RAB38: variants seen among roughly 807,000 people sequenced by gnomAD.
RAB38 encodes ras-related protein Rab-38.
RAB38 carries 15 observed loss-of-function variants against 18.4 expected under a neutral mutation model. The observed-to-expected ratio is 0.82, with a 90% CI of 0.55 to 1.26. The LOEUF (loss-of-function observed/expected upper bound fraction) is 1.26, where lower values mean the gene tolerates loss of function less well. Among genes scored for constraint, RAB38 ranks in the 50% most tolerant of loss-of-function variants. The probability of loss-of-function intolerance (pLI) is 0.00; values close to 1 mark genes in which losing one functional copy is unlikely to be tolerated. For synonymous variants in RAB38, 101 were observed against 104.4 expected, an observed-to-expected ratio of 0.97 and a Z score of 0.20; for missense variants, 294 against 267.4, an observed-to-expected ratio of 1.10 and a Z score of -0.69.
At chr11:87,805,941 T>C in the RAB38 span, among the ~76,000 whole-genome samples, 1 of 152,020 alleles carries the variant, frequency 6.6e-6, no homozygotes, top group Non-Finnish European at 1.5e-5. Context: ...CCCACGTTAT[T>C]GGAGATAATT....
chr11:87,912,789 T>G, the RAB38 span, among the ~76,000 whole-genome samples: 1 of 133,794 alleles, frequency 7.5e-6, no homozygotes, highest in African/African-American at 2.6e-5. Flanking sequence ...TTTAGTTCCT[T>G]CAGGTAGAAG....
chr11:87,967,314 AT>A, the RAB38 span, among the ~76,000 whole-genome samples: 15 of 152,210 alleles, frequency 9.9e-5, no homozygotes, highest in African/African-American at 3.4e-4. Context: ...AGCTGAATAA[AT>A]TTGAGTGGAA....
At chr11:87,840,119 G>A in the RAB38 span, among the ~76,000 whole-genome samples, 1 of 152,126 alleles carries the variant, frequency 6.6e-6, no homozygotes, top group Admixed American at 6.5e-5. Context: ...TTGGTGGAAA[G>A]GAGAGAGAAA....
chr11:88,071,243 G>GACACACAC, the RAB38 span, among the ~76,000 whole-genome samples: 4,410 of 148,494 alleles, frequency 0.03, 83 homozygotes, highest in Middle Eastern at 0.077. Flanking sequence ...ACTGGGGGAG[G>GACACACAC]ACACACACAC....
the RAB38 span, among the ~76,000 whole-genome samples, chr11:87,947,715 T>TTC: frequency 6.6e-6 from 1 of 152,124 alleles, no homozygotes; most frequent in Non-Finnish European, 1.5e-5. Context: ...GTGGTATTAT[T>TTC]TGAGGGCTCT....
chr11:87,956,753 CTG>C, the RAB38 span, among the ~76,000 whole-genome samples: 1 of 152,016 alleles, frequency 6.6e-6, no homozygotes, highest in East Asian at 1.9e-4. Context: ...TCTACCTTAA[CTG>C]AAAGTAAGTC....
chr11:87,860,725 G>A, the RAB38 span, among the ~76,000 whole-genome samples: 511 of 151,992 alleles, frequency 3.4e-3, 2 homozygotes, highest in Non-Finnish European at 5.4e-3. Flanking sequence ...TGTTTTGATA[G>A]AGATAATAAA....
the RAB38 span, among the ~76,000 whole-genome samples, chr11:87,889,548 G>A: frequency 1.4e-3 from 220 of 151,930 alleles, 1 homozygote; most frequent in South Asian, 0.016. Flanking sequence ...TAATTTTTGA[G>A]TAGCTACTAT....
At chr11:87,916,819 T>C in the RAB38 span, among the ~76,000 whole-genome samples, 1 of 152,198 alleles carries the variant, frequency 6.6e-6, no homozygotes, top group Non-Finnish European at 1.5e-5. Context: ...CTTCTAACTT[T>C]TTTGAACTGA....
the RAB38 span, among the ~76,000 whole-genome samples, chr11:87,929,372 C>T: frequency 6.6e-6 from 1 of 151,520 alleles, no homozygotes; most frequent in Non-Finnish European, 1.5e-5. Flanking sequence ...TTTTCCAGCC[C>T]AATATTCCCA....
At chr11:87,825,082 TC>T in the RAB38 span, among the ~76,000 whole-genome samples, 1 of 152,134 alleles carries the variant, frequency 6.6e-6, no homozygotes, top group Non-Finnish European at 1.5e-5. Flanking sequence ...CACCAACAAC[TC>T]TGGAAGCTAG....
the RAB38 span, among the ~76,000 whole-genome samples, chr11:87,814,268 G>A: frequency 0.093 from 14,222 of 152,116 alleles, 734 homozygotes; most frequent in African/African-American, 0.13. Flanking sequence ...TGCTATGTCC[G>A]ACGAATGATT....
the RAB38 span, among the ~76,000 whole-genome samples, chr11:87,858,331 C>T: frequency 6.6e-6 from 1 of 152,062 alleles, no homozygotes; most frequent in East Asian, 1.9e-4. Flanking sequence ...CATTTCTTTT[C>T]TTTGGGGCTC....
At chr11:87,977,704 TATTA>T in the RAB38 span, among the ~76,000 whole-genome samples, 2 of 109,556 alleles carry the variant, frequency 1.8e-5, no homozygotes, top group Non-Finnish European at 3.4e-5. Context: ...TATAGGGATA[TATTA>T]TATATTTATA....
At chr11:88,072,507 G>T in the RAB38 span, among the ~76,000 whole-genome samples, 8 of 152,170 alleles carry the variant, frequency 5.3e-5, no homozygotes, top group African/African-American at 1.9e-4. Context: ...AAATGGCACA[G>T]AAAAAATAAA....
the RAB38 span, among the ~76,000 whole-genome samples, chr11:87,937,878 T>G: frequency 4.5e-3 from 682 of 151,162 alleles, 8 homozygotes; most frequent in African/African-American, 0.016. Context: ...GTGTTTTTTT[T>G]TTTTTTTTTT....
rs552854493 is a variant in RAB38 at position 88,126,271 on chromosome 11, T to C, written c.484-12131A>G. On this transcript the variant is annotated intron_variant, in intron 2 of 2. Coordinates refer to ENST00000243662, the MANE Select transcript of RAB38 (RefSeq NM_022337.3). ...ATGCACACGTATGTTTATTGCAGCA[T>C]TGTTCACAATAGCAAAGACTTGGAA... is the stretch of plus-strand genomic sequence containing the variant. Among the ~76,000 whole-genome samples the C allele has an allele frequency of 1.4e-3, 208 of 152,302 alleles. 4 individuals are homozygous for C. The highest frequency in any genetic ancestry group is 4.6e-3 in the African/African-American group (190 of 41,558).
chr11:88,042,037 G>C, the RAB38 span, among the ~76,000 whole-genome samples: 1 of 152,124 alleles, frequency 6.6e-6, no homozygotes, highest in Non-Finnish European at 1.5e-5. Context: ...TTGGGGTTTA[G>C]GGAGGCATAT....
chr11:88,065,132 A>G, the RAB38 span, among the ~76,000 whole-genome samples: 4 of 152,194 alleles, frequency 2.6e-5, no homozygotes, highest in African/African-American at 9.7e-5. Flanking sequence ...AGATCCAAAT[A>G]TGAAGGGAAA....
Sources: gnomAD v4.1 joint callset for allele counts (sites outside exome capture counted in the v4.1 genomes callset) on GRCh38, gnomAD v4.1.1 for gene constraint, MANE v1.5 for transcripts, NCBI Gene and HGNC (gene_info 2026-07-23, HGNC 2026-07-21) for gene names.